The following DMRT1 variants were observed in gnomAD, a reference collection of about 807,000 sequenced individuals.
The protein encoded by DMRT1 is doublesex- and mab-3-related transcription factor 1.
A neutral mutation model predicts 32.3 loss-of-function variants in DMRT1; 7 were observed. The observed-to-expected ratio is 0.22, with a 90% confidence interval of 0.12 to 0.41. The LOEUF (loss-of-function observed/expected upper bound fraction) is 0.41, where lower values mean the gene tolerates loss of function less well. Ranked by LOEUF, DMRT1 falls within the 10% of genes least tolerant of loss-of-function variation. The pLI is 1.00. For synonymous variants in DMRT1, 278 were observed against 206.1 expected (o/e 1.35, Z -2.99); for missense variants, 625 against 500.5 (o/e 1.25, Z -2.37).
intron 3 of DMRT1, among the ~76,000 whole-genome samples, chr9:909,737 A>G (rs774506056): frequency 6.6e-6 from 1 of 151,878 alleles, no homozygotes; most frequent in Non-Finnish European, 1.5e-5. Context: ...TTTTTGAAAC[A>G]GGGTCTTAAT....
chr9:885,894 T>C (rs935809271), intron 2 of DMRT1, among the ~76,000 whole-genome samples: 6 of 152,228 alleles, frequency 3.9e-5, no homozygotes, highest in Non-Finnish European at 8.8e-5. Flanking sequence ...GCACATTCTC[T>C]TGGAAAGAGT....
chr9:932,215 C>G (rs1818747968), intron 4 of DMRT1, among the ~76,000 whole-genome samples: 1 of 152,184 alleles, frequency 6.6e-6, no homozygotes, highest in Non-Finnish European at 1.5e-5. Flanking sequence ...AATTTCTAAT[C>G]CATGCCATCT....
At chr9:964,991 C>T (rs997079891) in intron 4 of DMRT1, among the ~76,000 whole-genome samples, 18 of 152,072 alleles carry the variant, frequency 1.2e-4, no homozygotes, top group East Asian at 7.7e-4. Context: ...AATCAAAGAG[C>T]GAAAAGCATC....
At chr9:924,922 CA>C (rs1818472203) in intron 4 of DMRT1, among the ~76,000 whole-genome samples, 1 of 152,152 alleles carries the variant, frequency 6.6e-6, no homozygotes, top group South Asian at 2.1e-4. Context: ...ATACAAAGAG[CA>C]CCCCACAAGG....
chr9:933,073 C>T (rs1818779045), intron 4 of DMRT1, among the ~76,000 whole-genome samples: 1 of 152,064 alleles, frequency 6.6e-6, no homozygotes, highest in Admixed American at 6.6e-5. Context: ...CCACCATGCC[C>T]AGCAAATTTT....
At position 919,576 on chromosome 9, in the gene DMRT1, G is replaced by A. The variant is rs532279349; in HGVS notation, c.967+2669G>A. On this transcript the variant is annotated intron_variant, in intron 4 of 4. Transcript: ENST00000382276. ...AGAGATGGTGGAGTCAGATCTTGCAGGTCTTTGTAAGCTATTGGAAACAAT... is the reference window on the plus strand; with the variant it reads ...AGAGATGGTGGAGTCAGATCTTGCAAGTCTTTGTAAGCTATTGGAAACAAT... Among the ~76,000 whole-genome samples, 12 of 152,310 alleles carry A rather than the reference G, an allele frequency of 7.9e-5. No individual in the cohort carries two copies. In the East Asian group the frequency reaches 2.1e-3, roughly 27 times the overall value.
At chr9:858,863 AAAAAAAAATAT>A (rs1271272460) in intron 2 of DMRT1, among the ~76,000 whole-genome samples, 49 of 103,130 alleles carry the variant, frequency 4.8e-4, no homozygotes, top group South Asian at 2.2e-3. Flanking sequence ...CAAAAAAAAA[AAAAAAAAATAT>A]ATATATATAT....
At chr9:859,055 T>C (rs753844407) in intron 2 of DMRT1, among the ~76,000 whole-genome samples, 2 of 152,108 alleles carry the variant, frequency 1.3e-5, no homozygotes, top group Non-Finnish European at 2.9e-5. Flanking sequence ...AACTAACTTA[T>C]GACTGAGGCC....
intron 4 of DMRT1, among the ~76,000 whole-genome samples, chr9:925,252 C>G (rs1237809984): frequency 6.6e-6 from 1 of 152,164 alleles, no homozygotes; most frequent in East Asian, 1.9e-4. Context: ...ACTGTGGAAT[C>G]TTTTCTGTTC....
chr9:867,791 A>G lies in DMRT1; in HGVS notation c.538+20648A>G, dbSNP rs115259397. ...GTATCTTGGTACAAGGGTAAGTAAAATAGTTGATGTCCAAGGCTCCCTTTG... is the reference window on the plus strand; with the variant it reads ...GTATCTTGGTACAAGGGTAAGTAAAGTAGTTGATGTCCAAGGCTCCCTTTG... On this transcript the variant is annotated intron_variant, in intron 2 of 4. Coordinates refer to ENST00000382276, the MANE Select transcript of DMRT1 (RefSeq NM_021951.3). 3.7e-3 allele frequency among the ~76,000 whole-genome samples: 570 copies of G among 152,310 alleles called. 4 individuals carry two copies. Among genetic ancestry groups the G allele is most frequent in the African/African-American group, 0.013 (551 of 41,570 alleles).
At chr9:866,178 A>G (rs1815976788) in intron 2 of DMRT1, among the ~76,000 whole-genome samples, 1 of 151,214 alleles carries the variant, frequency 6.6e-6, no homozygotes, top group African/African-American at 2.4e-5. Context: ...AAAAAAAAAA[A>G]AAAAAAAAGA....
At chr9:870,843 C>G (rs1353086773) in intron 2 of DMRT1, among the ~76,000 whole-genome samples, 3 of 151,354 alleles carry the variant, frequency 2.0e-5, no homozygotes, top group Non-Finnish European at 4.4e-5. Context: ...TCCCGAGTAG[C>G]TGGAACTACA....
At chr9:846,845 C>T (rs1838926595) in intron 1 of DMRT1, 115 bp from the exon 2 acceptor site, 2 of 1,301,084 alleles carry the variant, frequency 1.5e-6, no homozygotes, top group South Asian at 2.4e-5. Context: ...GGGAGATTTT[C>T]AGACCTCACC....
chr9:967,038 G>T (rs1478132652), intron 4 of DMRT1, among the ~76,000 whole-genome samples: 1 of 152,198 alleles, frequency 6.6e-6, no homozygotes, highest in Non-Finnish European at 1.5e-5. Context: ...TTAACGATTG[G>T]CCATTTGGAA....
chr9:869,616 C>T (rs1347645446), intron 2 of DMRT1, among the ~76,000 whole-genome samples: 1 of 152,088 alleles, frequency 6.6e-6, no homozygotes, highest in Non-Finnish European at 1.5e-5. Context: ...TAAGGCTACT[C>T]CTCCCCTCTC....
At position 923,553 on chromosome 9, in the gene DMRT1, T is replaced by C. The variant is rs572569991; in HGVS notation, c.967+6646T>C. On this transcript the variant is annotated intron_variant, in intron 4 of 4. Transcript: ENST00000382276. ...TGCAGGTAAAGGATGGCAGGTGTTA[T>C]CATGACTTTCCCCCATTTTTTCCTG... is the stretch of plus-strand genomic sequence containing the variant. Among the ~76,000 whole-genome samples the C allele has an allele frequency of 4.6e-5, 7 of 152,308 alleles. No homozygotes were observed. In the South Asian group the frequency reaches 1.5e-3, roughly 32 times the overall value.
rs369586625 is a variant in DMRT1, at chr9:925,724, C to T, written c.967+8817C>T. Among the ~76,000 whole-genome samples, 35 of 152,290 alleles carry T rather than the reference C, an allele frequency of 2.3e-4. 1 individual carries two copies. The highest frequency in any genetic ancestry group is 6.2e-4 in the South Asian group (3 of 4,822). On this transcript the variant is annotated intron_variant, in intron 4 of 4. Coordinates refer to ENST00000382276, the MANE Select transcript of DMRT1 (RefSeq NM_021951.3). ...CCAGTGTCTGTAAGACAATATCTGA[C>T]CACTCTGTGTATAACTCATTTAATT...
At chr9:914,257 G>A (rs1818092813) in intron 3 of DMRT1, among the ~76,000 whole-genome samples, 1 of 151,998 alleles carries the variant, frequency 6.6e-6, no homozygotes, top group African/African-American at 2.4e-5. Flanking sequence ...TCCGAGTATA[G>A]CTTCTTTAAC....
intron 2 of DMRT1, among the ~76,000 whole-genome samples, chr9:883,670 T>A (rs1187183261): frequency 6.6e-6 from 1 of 151,436 alleles, no homozygotes; most frequent in African/African-American, 2.4e-5. Flanking sequence ...CGTGCCCCTG[T>A]AGTCCCAGAT....
Sources: gnomAD v4.1 joint callset for allele counts (sites outside exome capture counted in the v4.1 genomes callset) on GRCh38, gnomAD v4.1.1 for gene constraint, MANE v1.5 for transcripts, NCBI Gene and HGNC (gene_info 2026-07-23, HGNC 2026-07-21) for gene names.